The following RAP1A variants were observed in gnomAD, a reference collection of about 807,000 sequenced individuals.
The protein encoded by RAP1A is ras-related protein Rap-1A.
RAP1A carries 6 observed loss-of-function variants against 26.4 expected under a neutral mutation model. That is an observed-to-expected ratio of 0.23 (90% CI 0.12 to 0.45). The LOEUF (loss-of-function observed/expected upper bound fraction) is 0.45. RAP1A is among the 20% of genes least tolerant of loss of function. RAP1A has a pLI of 0.99. For synonymous variants in RAP1A, 73 were observed against 79.4 expected (o/e 0.92, Z 0.43); for missense variants, 121 against 217.2 (o/e 0.56, Z 2.78).
upstream of RAP1A, among the ~76,000 whole-genome samples, chr1:111,618,105 C>T (rs983471451): frequency 6.6e-6 from 1 of 152,040 alleles, no homozygotes; most frequent in Non-Finnish European, 1.5e-5. Flanking sequence ...TTAAAATATC[C>T]TCCCTTGATC....
At chr1:111,548,504 A>G (rs1318300934) in intron 1 of RAP1A, among the ~76,000 whole-genome samples, 2 of 152,188 alleles carry the variant, frequency 1.3e-5, no homozygotes, top group Non-Finnish European at 2.9e-5. Flanking sequence ...TCTGGGCACA[A>G]TGGTTTTGGC....
intron 1 of RAP1A, among the ~76,000 whole-genome samples, chr1:111,646,806 C>A (rs149991447): frequency 1.3e-5 from 2 of 152,094 alleles, no homozygotes; most frequent in Non-Finnish European, 2.9e-5. Flanking sequence ...CCCAAAGTGC[C>A]GGGATTACAG....
chr1:111,651,332 A>G (rs895556669), intron 1 of RAP1A, among the ~76,000 whole-genome samples: 8 of 152,140 alleles, frequency 5.3e-5, no homozygotes, highest in Non-Finnish European at 4.4e-5. Context: ...GGGCATTATG[A>G]AAAAGTCTTT....
chr1:111,665,044 T>C (rs1283655156), intron 1 of RAP1A, among the ~76,000 whole-genome samples: 1 of 152,208 alleles, frequency 6.6e-6, no homozygotes, highest in Non-Finnish European at 1.5e-5. Flanking sequence ...TATGTTTCTT[T>C]ATAGTGGGGG....
chr1:111,619,631 C>T (rs938176452), upstream of RAP1A: 1 of 390,018 alleles, frequency 2.6e-6, no homozygotes, highest in Middle Eastern at 6.5e-4. Flanking sequence ...TAGCTCCAGG[C>T]TTTCCCGGCT....
At chr1:111,627,987 C>T (rs1002175447) in intron 1 of RAP1A, among the ~76,000 whole-genome samples, 4 of 151,822 alleles carry the variant, frequency 2.6e-5, no homozygotes, top group African/African-American at 4.8e-5. Flanking sequence ...AGTTGGGCAG[C>T]CTGGGTTTGT....
intron 3 of RAP1A, among the ~76,000 whole-genome samples, 158 bp from the exon 4 acceptor site, chr1:111,697,283 C>G (rs1661864614): frequency 6.6e-6 from 1 of 152,118 alleles, no homozygotes; most frequent in South Asian, 2.1e-4. Context: ...GACCGCTGTT[C>G]TTTATTGTGG....
intron 1 of RAP1A, among the ~76,000 whole-genome samples, chr1:111,548,886 G>A (rs897320780): frequency 6.6e-6 from 1 of 152,078 alleles, no homozygotes; most frequent in Non-Finnish European, 1.5e-5. Context: ...CTCTGATATG[G>A]GCTGTTTTCA....
intron 1 of RAP1A, among the ~76,000 whole-genome samples, chr1:111,590,260 A>C (rs71673423): frequency 0.012 from 1,881 of 152,304 alleles, 10 homozygotes; most frequent in Non-Finnish European, 0.016. Flanking sequence ...TTAGGCATTT[A>C]ATTTTTTTAT....
chr1:111,662,479 G>A (rs1236249121), intron 1 of RAP1A, among the ~76,000 whole-genome samples: 2 of 151,900 alleles, frequency 1.3e-5, no homozygotes, highest in Non-Finnish European at 2.9e-5. Flanking sequence ...AAGGTGTCTA[G>A]GGGGTGTTAT....
At chr1:111,594,693 T>C (rs1658534042) in intron 1 of RAP1A, among the ~76,000 whole-genome samples, 1 of 152,154 alleles carries the variant, frequency 6.6e-6, no homozygotes, top group African/African-American at 2.4e-5. Flanking sequence ...TAAAGTTCCT[T>C]AAGTGCTGCC....
intron 1 of RAP1A, among the ~76,000 whole-genome samples, chr1:111,560,768 AG>A (rs1657707304): frequency 6.6e-6 from 1 of 152,210 alleles, no homozygotes; most frequent in Non-Finnish European, 1.5e-5. Context: ...CTGGGATTAC[AG>A]GCACACACCA....
chr1:111,683,002 G>A (rs1028570289), intron 1 of RAP1A, among the ~76,000 whole-genome samples: 2 of 152,146 alleles, frequency 1.3e-5, no homozygotes, highest in Admixed American at 6.5e-5. Context: ...TTAGAACTCA[G>A]GATTAAGAAA....
intron 1 of RAP1A, among the ~76,000 whole-genome samples, chr1:111,561,561 T>C (rs918650599): frequency 3.9e-5 from 6 of 152,136 alleles, no homozygotes; most frequent in African/African-American, 1.2e-4. Flanking sequence ...ACAGAGGTCA[T>C]AGTCTCCACA....
intron 1 of RAP1A, among the ~76,000 whole-genome samples, chr1:111,576,838 A>G (rs1658155396): frequency 6.6e-6 from 1 of 152,194 alleles, no homozygotes; most frequent in Non-Finnish European, 1.5e-5. Context: ...GAGCTTTAGG[A>G]AGCGGGAGTA....
chr1:111,542,368 A>C (rs974572490), exon 1 of RAP1A: 1 of 268,294 alleles, frequency 3.7e-6, no homozygotes, highest in Non-Finnish European at 7.9e-6. Flanking sequence ...GGACTGTGCC[A>C]GCTGAGAGGT....
chr1:111,543,769 C>T (rs1356285775), intron 1 of RAP1A, among the ~76,000 whole-genome samples: 1 of 151,468 alleles, frequency 6.6e-6, no homozygotes, highest in Non-Finnish European at 1.5e-5. Flanking sequence ...GATTGGACAG[C>T]TTCAAACAAA....
intron 1 of RAP1A, among the ~76,000 whole-genome samples, chr1:111,584,124 C>T (rs1278191348): frequency 5.3e-5 from 8 of 151,970 alleles, no homozygotes; most frequent in Non-Finnish European, 8.8e-5. Context: ...TCAGGTGATC[C>T]ACCCGCCTCG....
chr1:111,645,329 GATC>G (rs1462004998), intron 1 of RAP1A, among the ~76,000 whole-genome samples: 1 of 152,170 alleles, frequency 6.6e-6, no homozygotes, highest in Admixed American at 6.5e-5. Context: ...TAGGAAAAAA[GATC>G]ATAGTAACTG....
Sources: allele counts gnomAD v4.1 joint callset (sites outside exome capture counted in the v4.1 genomes callset), GRCh38; gene constraint gnomAD v4.1.1; transcripts MANE v1.5; gene names NCBI Gene and HGNC (gene_info 2026-07-23, HGNC 2026-07-21).